Variants in CAST observed in about 807,000 individuals in gnomAD.
The protein encoded by CAST is MIR583 host.
CAST carries 76 observed loss-of-function variants against 119.6 expected under a neutral mutation model. That is an observed-to-expected ratio of 0.64 (90% CI 0.53 to 0.77). The LOEUF (loss-of-function observed/expected upper bound fraction) is 0.77. CAST is among the 30% of genes least tolerant of loss of function. CAST has a pLI of 0.00. For synonymous variants in CAST, 319 were observed against 331.6 expected (o/e 0.96, Z 0.41); for missense variants, 953 against 946.5 (o/e 1.01, Z -0.09).
chr5:96,675,472 G>A (rs1342100822), intron 1 of CAST, 67 bp from the exon 2 acceptor site: 2 of 1,121,248 alleles, frequency 1.8e-6, no homozygotes, highest in African/African-American at 1.5e-5. Flanking sequence ...TTTAGCCTTT[G>A]GGGATTAAAG....
the CAST span, among the ~76,000 whole-genome samples, chr5:96,339,791 C>G: frequency 1.8e-4 from 27 of 151,986 alleles, no homozygotes; most frequent in Non-Finnish European, 3.5e-4. Flanking sequence ...GCAGGTAGAG[C>G]GAGTAGTTGA....
chr5:96,429,445 AT>A, the CAST span: 37 of 634,354 alleles, frequency 5.8e-5, no homozygotes, highest in Middle Eastern at 4.2e-4. Context: ...TGAAATTAAT[AT>A]TTTTTTTCTT....
intron 31 of CAST, chr5:96,772,382 A>G (rs1470547154): frequency 6.5e-6 from 1 of 152,844 alleles, no homozygotes; most frequent in Non-Finnish European, 1.5e-5. Context: ...AAATCAAAGT[A>G]TAGGTTAAAT....
At chr5:95,975,610 G>A in the CAST span, among the ~76,000 whole-genome samples, 1 of 152,232 alleles carries the variant, frequency 6.6e-6, no homozygotes, top group African/African-American at 2.4e-5. Context: ...GGGTTCCAGA[G>A]AGGTTGGCAA....
the CAST span, among the ~76,000 whole-genome samples, chr5:96,384,444 T>C: frequency 1.3e-5 from 2 of 152,316 alleles, no homozygotes; most frequent in East Asian, 3.9e-4. Flanking sequence ...CTCTATCTCT[T>C]ATGGACATAC....
At chr5:96,180,370 TA>T in the CAST span, among the ~76,000 whole-genome samples, 4 of 152,210 alleles carry the variant, frequency 2.6e-5, no homozygotes, top group Non-Finnish European at 5.9e-5. Context: ...GAAACAAGCT[TA>T]AAGTTGTGAG....
chr5:96,483,505 G>T, the CAST span, among the ~76,000 whole-genome samples: 1 of 152,080 alleles, frequency 6.6e-6, no homozygotes, highest in African/African-American at 2.4e-5. Context: ...AATTAATAAT[G>T]ATTTAGATTT....
chr5:96,190,221 A>G, the CAST span, among the ~76,000 whole-genome samples: 2 of 152,136 alleles, frequency 1.3e-5, no homozygotes, highest in Non-Finnish European at 2.9e-5. Flanking sequence ...TACTTTTTTC[A>G]GGCAGCTCAT....
the CAST span, among the ~76,000 whole-genome samples, chr5:96,079,793 G>A: frequency 3.9e-4 from 59 of 151,964 alleles, 1 homozygote; most frequent in Non-Finnish European, 7.7e-4. Context: ...ACCATGTTTT[G>A]TTTCTTAGAA....
chr5:96,049,874 C>A, the CAST span, among the ~76,000 whole-genome samples: 1 of 15,724 alleles, frequency 6.4e-5, no homozygotes, highest in African/African-American at 2.3e-4. Flanking sequence ...AAGAGAGAAA[C>A]AACAGAACAG....
At chr5:96,463,982 T>G in the CAST span, among the ~76,000 whole-genome samples, 2 of 151,882 alleles carry the variant, frequency 1.3e-5, no homozygotes, top group African/African-American at 4.8e-5. Context: ...GAGAAGAAAA[T>G]TTTGGAGGAG....
At chr5:95,978,543 T>C in the CAST span, among the ~76,000 whole-genome samples, 6 of 152,210 alleles carry the variant, frequency 3.9e-5, no homozygotes, top group Admixed American at 2.0e-4. Context: ...TGCTGGATAT[T>C]AGACCTTTGT....
the CAST span, chr5:96,408,242 C>T: frequency 3.7e-6 from 6 of 1,613,802 alleles, no homozygotes; most frequent in East Asian, 2.2e-5. Context: ...AGGGCCAGAG[C>T]GAAGATGCCA....
At chr5:96,355,745 A>T in the CAST span, among the ~76,000 whole-genome samples, 1 of 151,640 alleles carries the variant, frequency 6.6e-6, no homozygotes, top group Non-Finnish European at 1.5e-5. Context: ...CTGTGTCACC[A>T]GTCTTGAGTG....
the CAST span, among the ~76,000 whole-genome samples, chr5:96,271,608 G>C: frequency 1.3e-5 from 2 of 150,106 alleles, no homozygotes; most frequent in South Asian, 4.2e-4. Flanking sequence ...AATAAAAATG[G>C]ATTAAAGACT....
the CAST span, among the ~76,000 whole-genome samples, chr5:96,101,861 C>G: frequency 6.6e-6 from 1 of 152,316 alleles, no homozygotes; most frequent in South Asian, 2.1e-4. Context: ...TGGGCACCAG[C>G]AGGAGCAGGC....
the CAST span, among the ~76,000 whole-genome samples, chr5:96,190,344 G>C: frequency 6.6e-6 from 1 of 152,160 alleles, no homozygotes; most frequent in Admixed American, 6.5e-5. Context: ...GTGGGGAAGG[G>C]AGATCAGAAA....
At chr5:96,122,597 G>A in the CAST span, among the ~76,000 whole-genome samples, 1 of 152,164 alleles carries the variant, frequency 6.6e-6, no homozygotes, top group Non-Finnish European at 1.5e-5. Context: ...TCGGGCTGGA[G>A]GTGGTTCTCT....
At chr5:96,333,563 G>A in the CAST span, among the ~76,000 whole-genome samples, 1 of 152,146 alleles carries the variant, frequency 6.6e-6, no homozygotes, top group African/African-American at 2.4e-5. Context: ...CAGCCTCCTG[G>A]AGTCAGGTGG....
Sources: allele counts gnomAD v4.1 joint callset (sites outside exome capture counted in the v4.1 genomes callset), GRCh38; gene constraint gnomAD v4.1.1; transcripts MANE v1.5; gene names NCBI Gene and HGNC (gene_info 2026-07-23, HGNC 2026-07-21).